Variants in THSD7B observed in about 807,000 individuals in gnomAD.
THSD7B encodes the protein thrombospondin type-1 domain-containing protein 7B.
A neutral mutation model predicts 213.6 loss-of-function variants in THSD7B; 138 were observed. The observed-to-expected ratio is 0.65, with a 90% CI of 0.56 to 0.74. THSD7B has a LOEUF of 0.74. THSD7B is among the 30% of genes least tolerant of loss of function. The probability of loss-of-function intolerance (pLI) is 0.00; values close to 1 mark genes in which losing one functional copy is unlikely to be tolerated. For synonymous variants in THSD7B, 742 were observed against 687.0 expected (o/e 1.08, Z -1.25); for missense variants, 1,931 against 1,991.5 (o/e 0.97, Z 0.58).
At chr2:136,775,963 C>A (rs1416846930) in intron 1 of THSD7B, among the ~76,000 whole-genome samples, 1 of 152,056 alleles carries the variant, frequency 6.6e-6, no homozygotes, top group Admixed American at 6.6e-5. Context: ...CTACTGGGTT[C>A]CTCAAGGCAA....
At chr2:137,413,539 G>A (rs1425083466) in intron 14 of THSD7B, among the ~76,000 whole-genome samples, 1 of 152,202 alleles carries the variant, frequency 6.6e-6, no homozygotes, top group Non-Finnish European at 1.5e-5. Flanking sequence ...TCTAAGATGT[G>A]AAAGGTAAGA....
In THSD7B at chr2:137,115,309, C is replaced by T. The variant is rs141641520; in HGVS notation, c.1369+16C>T. The T allele has an allele frequency of 4.2e-5, 65 of 1,531,538 alleles. No individual in the cohort carries two copies. Among genetic ancestry groups the T allele is most frequent in the African/African-American group, 3.5e-4 (25 of 71,706 alleles). The allele number at this position is 1,531,538 out of a possible 1,614,324, so 94.9% of individuals were successfully genotyped here. A position where few individuals can be genotyped will look rare whatever the true frequency, so the allele number is the denominator to read the frequency against. On this transcript the variant is annotated intron_variant, in intron 5 of 27. Coordinates refer to ENST00000409968, the MANE Select transcript of THSD7B (RefSeq NM_001316349.2). ...GCCAAGGAAGGTAGGCAGCCAGTTC[C>T]GGGACAGATGGTGCACTGCTGGTTG...
At position 137,087,725 on chromosome 2, in the gene THSD7B, C is replaced by T. The variant is rs186952154; in HGVS notation, c.951-7148C>T. Among the ~76,000 whole-genome samples, 20 of 152,264 alleles carry T rather than the reference C, an allele frequency of 1.3e-4. No homozygotes were observed. The East Asian group carries it at 3.5e-3, about 26-fold the overall frequency. On this transcript the variant is annotated intron_variant, in intron 3 of 27. Coordinates refer to ENST00000409968, the MANE Select transcript of THSD7B (RefSeq NM_001316349.2). ...TATATCGGGAAAATGACCATACTGC[C>T]AAAAGCAATCTACAAATTCAGTGCA...
At chr2:136,903,093 T>A (rs1338297517) in intron 2 of THSD7B, among the ~76,000 whole-genome samples, 1 of 152,194 alleles carries the variant, frequency 6.6e-6, no homozygotes, top group Admixed American at 6.5e-5. Flanking sequence ...AAAGTTAATG[T>A]AGCATTTACG....
At chr2:137,671,245 TTTAAAA>T in intron 27 of THSD7B, among the ~76,000 whole-genome samples, 1 of 40,716 alleles carries the variant, frequency 2.5e-5, no homozygotes, top group Admixed American at 3.6e-4. Context: ...CTTTTTTTTT[TTTAAAA>T]AAAAAAAAAA....
chr2:137,185,259 A>C (rs1305013144), intron 7 of THSD7B, among the ~76,000 whole-genome samples: 1 of 151,622 alleles, frequency 6.6e-6, no homozygotes, highest in Admixed American at 6.6e-5. Context: ...TTTTTTTTCA[A>C]CTTTTATTTT....
chr2:137,439,059 A>C (rs900396559), intron 14 of THSD7B, among the ~76,000 whole-genome samples: 1 of 152,122 alleles, frequency 6.6e-6, no homozygotes, highest in East Asian at 1.9e-4. Flanking sequence ...TAGGAAAGGC[A>C]AGGATTTTCT....
At chr2:137,261,563 G>T (rs755402702) in intron 10 of THSD7B, among the ~76,000 whole-genome samples, 1 of 152,000 alleles carries the variant, frequency 6.6e-6, no homozygotes, top group African/African-American at 2.4e-5. Context: ...CTAAAAAGTC[G>T]CATTATTTCA....
At chr2:137,531,067 A>C (rs529750206) in intron 15 of THSD7B, among the ~76,000 whole-genome samples, 1 of 151,982 alleles carries the variant, frequency 6.6e-6, no homozygotes, top group African/African-American at 2.4e-5. Flanking sequence ...AAAAATTACA[A>C]ACCCATTGCT....
chr2:137,519,861 T>C (rs1438903859), intron 15 of THSD7B, among the ~76,000 whole-genome samples: 2 of 152,202 alleles, frequency 1.3e-5, no homozygotes, highest in African/African-American at 4.8e-5. Context: ...AAAACAACTT[T>C]ATTTGATCAC....
chr2:136,947,665 C>T (rs186466372), intron 2 of THSD7B, among the ~76,000 whole-genome samples: 7 of 152,150 alleles, frequency 4.6e-5, no homozygotes, highest in African/African-American at 9.7e-5. Flanking sequence ...CCACAGGTGA[C>T]GGCACATGGG....
At chr2:137,200,742 A>G (rs1024807376) in intron 7 of THSD7B, among the ~76,000 whole-genome samples, 2 of 151,852 alleles carry the variant, frequency 1.3e-5, no homozygotes, top group Non-Finnish European at 2.9e-5. Context: ...GCAGCCTCCA[A>G]CTCCCAGGCT....
intron 2 of THSD7B, among the ~76,000 whole-genome samples, chr2:137,013,595 G>C (rs897328636): frequency 6.6e-6 from 1 of 152,182 alleles, no homozygotes; most frequent in African/African-American, 2.4e-5. Flanking sequence ...AGCATTTTCT[G>C]TACTAGCTAT....
chr2:137,185,671 T>G (rs1256587789), intron 7 of THSD7B, among the ~76,000 whole-genome samples: 1 of 152,186 alleles, frequency 6.6e-6, no homozygotes, highest in African/African-American at 2.4e-5. Context: ...ATTCTATGTC[T>G]CTGCTATTGT....
At chr2:137,182,655 T>C (rs908114350) in intron 7 of THSD7B, among the ~76,000 whole-genome samples, 5 of 152,194 alleles carry the variant, frequency 3.3e-5, no homozygotes, top group African/African-American at 1.2e-4. Context: ...TGTAATAATA[T>C]AGCTGCCAGC....
intron 5 of THSD7B, among the ~76,000 whole-genome samples, chr2:137,121,682 TG>T (rs1222428993): frequency 6.6e-6 from 1 of 152,230 alleles, no homozygotes; most frequent in Non-Finnish European, 1.5e-5. Context: ...GTCACTCATT[TG>T]GCTGTAAAGG....
intron 2 of THSD7B, among the ~76,000 whole-genome samples, chr2:136,961,139 A>C (rs1301913570): frequency 6.9e-6 from 1 of 145,646 alleles, no homozygotes; most frequent in South Asian, 2.2e-4. Context: ...GGCAGATTTT[A>C]GAAAGTTGTA....
intron 5 of THSD7B, 119 bp from the exon 6 acceptor site, chr2:137,160,094 G>T (rs1679986084): frequency 4.3e-6 from 5 of 1,157,186 alleles, no homozygotes; most frequent in Non-Finnish European, 6.0e-6. Flanking sequence ...TGTTTTCTTT[G>T]CATATGTTCT....
intron 4 of THSD7B, among the ~76,000 whole-genome samples, chr2:137,098,954 T>A: frequency 6.6e-6 from 1 of 152,200 alleles, no homozygotes; most frequent in Non-Finnish European, 1.5e-5. Context: ...TAGAACTACA[T>A]GAAAATTAGC....
Sources: gnomAD v4.1 joint callset for allele counts (sites outside exome capture counted in the v4.1 genomes callset) on GRCh38, gnomAD v4.1.1 for gene constraint, MANE v1.5 for transcripts, NCBI Gene and HGNC (gene_info 2026-07-23, HGNC 2026-07-21) for gene names.